PKHD1L1: variants seen among roughly 807,000 people sequenced by gnomAD.
PKHD1L1 encodes the protein fibrocystin-L.
In PKHD1L1, 434 loss-of-function variants were observed where a neutral mutation model predicts 462.9. That is an observed-to-expected ratio of 0.94 (90% CI 0.87 to 1.02). The LOEUF (loss-of-function observed/expected upper bound fraction) is 1.02. PKHD1L1 is among the 50% of genes least tolerant of loss of function. The probability of loss-of-function intolerance (pLI) is 0.00; values close to 1 mark genes in which losing one functional copy is unlikely to be tolerated. For missense variants in PKHD1L1, 5,202 were observed against 5,096.1 expected, an observed-to-expected ratio of 1.02 and a Z score of -0.63; for synonymous variants, 1,781 against 1,750.0, an observed-to-expected ratio of 1.02 and a Z score of -0.44.
intron 48 of PKHD1L1, among the ~76,000 whole-genome samples, chr8:109,463,336 C>A (rs1209818902): frequency 1.3e-5 from 2 of 152,064 alleles, no homozygotes; most frequent in African/African-American, 4.8e-5. Context: ...ACCAGGCACA[C>A]CTCGACTGCA....
At chr8:109,510,689 A>G (rs559917246) in intron 70 of PKHD1L1, 88 bp from the exon 71 acceptor site, 4 of 1,457,298 alleles carry the variant, frequency 2.7e-6, no homozygotes, top group Admixed American at 2.4e-5. Flanking sequence ...GACCACTGCA[A>G]TTTATTTTTA....
chr8:109,452,454 A>G (rs1349131366), intron 42 of PKHD1L1, among the ~76,000 whole-genome samples, 174 bp downstream of exon 42: 1 of 152,004 alleles, frequency 6.6e-6, no homozygotes, highest in Non-Finnish European at 1.5e-5. Flanking sequence ...AATTTTTATT[A>G]TTTTAGATTT....
chr8:109,477,410 T>C lies in PKHD1L1; in HGVS notation c.9089+14T>C. ...AGCCACATATAAGTACATAGGCCTT[T>C]TGTAGTTGATACCCTTCAATATCTC... On this transcript the variant is annotated intron_variant, in intron 53 of 77. Transcript: ENST00000378402. 1 of 1,594,964 alleles carries C rather than the reference T, an allele frequency of 6.3e-7. No individual in the cohort carries two copies. Among genetic ancestry groups the C allele is most frequent in the South Asian group, 1.1e-5 (1 of 89,916 alleles).
intron 45 of PKHD1L1, 138 bp from the exon 46 acceptor site, chr8:109,456,124 G>T: frequency 2.4e-6 from 2 of 833,242 alleles, no homozygotes; most frequent in South Asian, 2.2e-5. Flanking sequence ...ATTTCTTTTT[G>T]GAGAAATGTG....
At chr8:109,478,249 A>T (rs375236404) in intron 53 of PKHD1L1, among the ~76,000 whole-genome samples, 2 of 152,162 alleles carry the variant, frequency 1.3e-5, no homozygotes, top group East Asian at 3.9e-4. Context: ...TTATATATTC[A>T]TTCAACCACT....
At chr8:109,529,745 T>C (rs949469284) in intron 77 of PKHD1L1, among the ~76,000 whole-genome samples, 2 of 152,122 alleles carry the variant, frequency 1.3e-5, no homozygotes, top group African/African-American at 4.8e-5. Flanking sequence ...CATTAATGGA[T>C]TAAAATGCTG....
At chr8:109,459,858 G>A (rs1258595288) in intron 47 of PKHD1L1, 22 bp downstream of exon 47, 2 of 1,599,164 alleles carry the variant, frequency 1.3e-6, no homozygotes, top group Non-Finnish European at 1.7e-6. Context: ...AGCTCTCGTG[G>A]TTGGTATAAT....
Position 109,404,587 on chromosome 8 carries a change from A to G in PKHD1L1, c.1407A>G (p.Arg469=). ...TTGAAATCTTGCTGCAGGAGTACAG[A>G]TTAAGTGCATTTGTTGATGTTGGAC... ...YYIEILLQEY[R]LSAFVDVGLY... The change falls in exon 15 of 78, where the codon AGA becomes AGG. Residue 469 remains arginine (R), a synonymous_variant. Transcript: ENST00000378402. 14 of 1,591,542 alleles carry G rather than the reference A, an allele frequency of 8.8e-6. No homozygotes were observed. The highest frequency in any genetic ancestry group is 1.1e-5 in the South Asian group (1 of 87,800).
At chr8:109,432,579 A>G (rs1320373149) in intron 27 of PKHD1L1, among the ~76,000 whole-genome samples, 1 of 152,140 alleles carries the variant, frequency 6.6e-6, no homozygotes, top group Non-Finnish European at 1.5e-5. Flanking sequence ...CACTTTTAAG[A>G]GGGAATGGAA....
At position 109,465,067 on chromosome 8, in the gene PKHD1L1, C is replaced by T. The variant is rs1817362543; in HGVS notation, c.8235C>T (p.Asn2745=). Residue 2745 remains asparagine, a synonymous_variant, in exon 49 of 78, where the codon AAC becomes AAT. Coordinates refer to ENST00000378402, the MANE Select transcript of PKHD1L1 (RefSeq NM_177531.6). ...CTGTCTCTTCTGTGCACTTTATGAA[C>T]TTTGACCGTCCCAACTGTGTAGCTT... ...GLTVSSVHFM[N]FDRPNCVALG... 1 of 1,613,696 alleles carries T rather than the reference C, an allele frequency of 6.2e-7. No homozygotes were observed. The highest frequency in any genetic ancestry group is 1.3e-5 in the African/African-American group (1 of 74,900).
At chr8:109,381,266 T>C (rs934297143) in intron 2 of PKHD1L1, 104 bp from the exon 3 acceptor site, 1 of 970,602 alleles carries the variant, frequency 1.0e-6, no homozygotes, top group South Asian at 1.5e-5. Context: ...GCTTCAGTAA[T>C]GTTTATGAAA....
At chr8:109,415,375 A>T (rs955485548) in intron 21 of PKHD1L1, among the ~76,000 whole-genome samples, 3 of 152,200 alleles carry the variant, frequency 2.0e-5, no homozygotes, top group Admixed American at 6.5e-5. Flanking sequence ...ATACTCTAAA[A>T]ATTGTTGACA....
At chr8:109,376,895 A>G (rs1811865101) in intron 2 of PKHD1L1, among the ~76,000 whole-genome samples, 1 of 152,220 alleles carries the variant, frequency 6.6e-6, no homozygotes, top group Non-Finnish European at 1.5e-5. Flanking sequence ...CAGAATGTCA[A>G]GGTCCAAAGC....
intron 53 of PKHD1L1, 56 bp downstream of exon 53, chr8:109,477,452 C>T: frequency 2.1e-6 from 3 of 1,439,346 alleles, no homozygotes; most frequent in Non-Finnish European, 2.9e-6. Flanking sequence ...TAATCCTTTT[C>T]ACATGTCACT....
At chr8:109,485,859 G>A (rs1393184469) in intron 58 of PKHD1L1, among the ~76,000 whole-genome samples, 1 of 151,888 alleles carries the variant, frequency 6.6e-6, no homozygotes, top group African/African-American at 2.4e-5. Context: ...TTTAATAGAA[G>A]CGCATGTGTC....
At chr8:109,424,662 G>C (rs1814645708) in intron 23 of PKHD1L1, among the ~76,000 whole-genome samples, 1 of 151,722 alleles carries the variant, frequency 6.6e-6, no homozygotes, top group African/African-American at 2.4e-5. Context: ...TTCTTAAATT[G>C]TTGGTTAACT....
In PKHD1L1 at chr8:109,440,430, C is replaced by T. The variant is rs116234491; in HGVS notation, c.3957-280C>T. Among the ~76,000 whole-genome samples the T allele has an allele frequency of 8.8e-3, 1,337 of 152,132 alleles. 16 individuals carry two copies. Among genetic ancestry groups the T allele is most frequent in the African/African-American group, 0.03 (1,255 of 41,540 alleles). ...ATGTATTTCTTGTGACCTCAGTTCT[C>T]ATAAGCATATTTTTCCATAATATTG... On this transcript the variant is annotated intron_variant, in intron 32 of 77. Coordinates refer to ENST00000378402, the MANE Select transcript of PKHD1L1 (RefSeq NM_177531.6).
chr8:109,514,899 G>C lies in PKHD1L1; in HGVS notation c.11554-271G>C, dbSNP rs147311827. On this transcript the variant is annotated intron_variant, in intron 71 of 77. Transcript: ENST00000378402. ...TATTGTTCTTTGTTGTCTTTTAAATGAATCTTTCTTTAAACTCAGAGATAC... is the reference window on the plus strand; with the variant it reads ...TATTGTTCTTTGTTGTCTTTTAAATCAATCTTTCTTTAAACTCAGAGATAC... Among the ~76,000 whole-genome samples the C allele has an allele frequency of 4.1e-3, 619 of 152,060 alleles. 3 individuals are homozygous for C. Among genetic ancestry groups the C allele is most frequent in the Middle Eastern group, 6.8e-3 (2 of 294 alleles).
At chr8:109,453,023 C>A (rs1471171853) in intron 43 of PKHD1L1, 149 bp downstream of exon 43, 3 of 617,662 alleles carry the variant, frequency 4.9e-6, no homozygotes, top group Non-Finnish European at 7.1e-6. Flanking sequence ...TTGAGTATTA[C>A]AATCCATTTG....
Sources: allele counts gnomAD v4.1 joint callset (sites outside exome capture counted in the v4.1 genomes callset), GRCh38; gene constraint gnomAD v4.1.1; transcripts MANE v1.5; gene names NCBI Gene and HGNC (gene_info 2026-07-23, HGNC 2026-07-21).